BRIP1: variants seen among roughly 807,000 people sequenced by gnomAD.
The protein encoded by BRIP1 is Fanconi anemia group J protein.
In BRIP1, 88 loss-of-function variants were observed where a neutral mutation model predicts 119.7. The observed-to-expected ratio is 0.74, with a 90% confidence interval of 0.62 to 0.88. The LOEUF is 0.88. BRIP1 is among the 40% of genes least tolerant of loss of function. The pLI, the probability that BRIP1 is intolerant of heterozygous loss-of-function variation, is 0.00. For synonymous variants in BRIP1, 443 were observed against 496.5 expected (o/e 0.89, Z 1.43); for missense variants, 1,259 against 1,455.4 (o/e 0.87, Z 2.20).
At position 61,757,224 on chromosome 17, in the gene BRIP1, T is replaced by A. The variant is rs2077212383; in HGVS notation, c.2098-12633A>T. Among the ~76,000 whole-genome samples, 1 of 152,166 alleles carries A rather than the reference T, an allele frequency of 6.6e-6. No homozygotes were observed. Among genetic ancestry groups the A allele is most frequent in the Non-Finnish European group, 1.5e-5 (1 of 68,028 alleles). The stretch of plus-strand genomic sequence containing the variant: ...ATGAATGTCCTTAATTTTTGCTAAA[T>A]ACAAACTGAAAATATAAGAAAACCA... On this transcript the variant is annotated intron_variant, in intron 14 of 19. Coordinates refer to ENST00000259008, the MANE Select transcript of BRIP1 (RefSeq NM_032043.3). This position sits in a 1 kb window ranked among gnomAD's most constrained non-coding sequence, Gnocchi z 4.3.
At position 61,748,831 on chromosome 17, in the gene BRIP1, C is replaced by T. The variant is rs2077093139; in HGVS notation, c.2098-4240G>A. Among the ~76,000 whole-genome samples the T allele has an allele frequency of 6.6e-6, 1 of 152,138 alleles. No individual in the cohort carries two copies. The highest frequency in any genetic ancestry group is 6.5e-5 in the Admixed American group (1 of 15,272). On this transcript the variant is annotated intron_variant, in intron 14 of 19. Transcript: ENST00000259008. The surrounding 1 kb of genome is among the most constrained non-coding windows in gnomAD (Gnocchi z 4.7). ...AAAAGTTCACTCAAAATGGATTAGACTTAAATGTAAGATTTCAAACTGTTG... is the reference window on the plus strand; with the variant it reads ...AAAAGTTCACTCAAAATGGATTAGATTTAAATGTAAGATTTCAAACTGTTG...
chr17:61,718,297 A>G (rs1475146355), intron 16 of BRIP1, among the ~76,000 whole-genome samples: 1 of 152,192 alleles, frequency 6.6e-6, no homozygotes, highest in Admixed American at 6.5e-5. Context: ...TTTGTTAGGG[A>G]AAGTCAAGAG....
chr17:61,704,638 A>G lies in BRIP1; in HGVS notation c.2493-11126T>C, dbSNP rs778364615. ...TAGAAGGCTTTTAACTATGAATTCT[A>G]TTTATTTGCTAGATAGCTATTCATG... On this transcript the variant is annotated intron_variant, in intron 17 of 19. Coordinates refer to ENST00000259008, the MANE Select transcript of BRIP1 (RefSeq NM_032043.3). The surrounding 1 kb of genome is among the most constrained non-coding windows in gnomAD (Gnocchi z 5.7). Among the ~76,000 whole-genome samples, 4 of 152,114 alleles carry G rather than the reference A, an allele frequency of 2.6e-5. No homozygotes were observed. The highest frequency in any genetic ancestry group is 5.9e-5 in the Non-Finnish European group (4 of 68,000).
intron 17 of BRIP1, among the ~76,000 whole-genome samples, chr17:61,707,727 T>G (rs954523754): frequency 6.6e-6 from 1 of 152,180 alleles, no homozygotes; most frequent in South Asian, 2.1e-4. Context: ...TCTATGGATA[T>G]TAAGATTTTT....
In BRIP1 at chr17:61,734,707, A is replaced by AT. The variant is rs1167509380; in HGVS notation, c.2379+8305dup. On this transcript the variant is annotated intron_variant, in intron 16 of 19. Transcript: ENST00000259008. The surrounding 1 kb of genome is among the most constrained non-coding windows in gnomAD (Gnocchi z 5.2). ...AGTCATATTTTTGGCTCTAACATAC[A>AT]TTTTCCTTCTTCTCAAAAAGCCAAA... Among the ~76,000 whole-genome samples, 1 of 152,166 alleles carries AT rather than the reference A, an allele frequency of 6.6e-6. No homozygotes were observed. Among genetic ancestry groups the AT allele is most frequent in the Non-Finnish European group, 1.5e-5 (1 of 68,026 alleles).
chr17:61,742,212 T>C lies in BRIP1; in HGVS notation c.2379+801A>G, dbSNP rs1336328730. Among the ~76,000 whole-genome samples, 1 of 152,222 alleles carries C rather than the reference T, an allele frequency of 6.6e-6. No individual in the cohort carries two copies. Among genetic ancestry groups the C allele is most frequent in the Non-Finnish European group, 1.5e-5 (1 of 68,032 alleles). On this transcript the variant is annotated intron_variant, in intron 16 of 19. Coordinates refer to ENST00000259008, the MANE Select transcript of BRIP1 (RefSeq NM_032043.3). This position sits in a 1 kb window ranked among gnomAD's most constrained non-coding sequence, Gnocchi z 4.7. ...CTCACCTCTCTCAGCTTTCACAGAA[T>C]TGAAGAGAGTTAGGGCCTTGCTCTG...
Position 61,706,624 on chromosome 17 carries a change from T to C in BRIP1, c.2492+9327A>G, listed in dbSNP as rs1463146347. On this transcript the variant is annotated intron_variant, in intron 17 of 19. Coordinates refer to ENST00000259008, the MANE Select transcript of BRIP1 (RefSeq NM_032043.3). The surrounding 1 kb of genome is among the most constrained non-coding windows in gnomAD (Gnocchi z 5.7). The stretch of plus-strand genomic sequence containing the variant: ...CTACTACTTCTTGGTTTTTGAACTT[T>C]AGAACTTACGTACTGATTCTCTCCT... Among the ~76,000 whole-genome samples, 1 of 152,186 alleles carries C rather than the reference T, an allele frequency of 6.6e-6. No homozygotes were observed. Among genetic ancestry groups the C allele is most frequent in the Admixed American group, 6.5e-5 (1 of 15,276 alleles).
chr17:61,785,157 T>C (rs1302640971), intron 10 of BRIP1, among the ~76,000 whole-genome samples: 1 of 152,202 alleles, frequency 6.6e-6, no homozygotes, highest in Non-Finnish European at 1.5e-5. Flanking sequence ...GTTGATATGT[T>C]GCCTTAAATC....
Position 61,842,328 on chromosome 17 carries a change from CTA to C in BRIP1, c.627+4771_627+4772del, listed in dbSNP as rs1439341453. On this transcript the variant is annotated intron_variant, in intron 6 of 19. Coordinates refer to ENST00000259008, the MANE Select transcript of BRIP1 (RefSeq NM_032043.3). The surrounding 1 kb of genome is among the most constrained non-coding windows in gnomAD (Gnocchi z 5.1). ...GAGAGGTGGGTTTACAAATTCATAA[CTA>C]CAGCTAGATTGGAGAAACAGGAGGA... Among the ~76,000 whole-genome samples the C allele has an allele frequency of 6.6e-6, 1 of 152,086 alleles. No individual in the cohort carries two copies. The highest frequency in any genetic ancestry group is 1.5e-5 in the Non-Finnish European group (1 of 68,006).
Position 61,775,585 on chromosome 17 carries a change from G to A in BRIP1, c.2097+816C>T, listed in dbSNP as rs577726241. The stretch of plus-strand genomic sequence containing the variant: ...GTGGTTTCAATGCTTTGAATGTTAG[G>A]AGGACCAAAATATACTAAATAATTT... On this transcript the variant is annotated intron_variant, in intron 14 of 19. Transcript: ENST00000259008. The surrounding 1 kb of genome is among the most constrained non-coding windows in gnomAD (Gnocchi z 4.4). 6.6e-6 allele frequency among the ~76,000 whole-genome samples: 1 copy of A among 152,026 alleles called. No individual in the cohort carries two copies. Among genetic ancestry groups the A allele is most frequent in the Non-Finnish European group, 1.5e-5 (1 of 68,024 alleles).
Position 61,849,198 on chromosome 17 carries a change from T to C in BRIP1, c.438A>G (p.Ile146Met), listed in dbSNP as rs886038702. Residue 146 changes from isoleucine to methionine, a missense_variant, in exon 5 of 20, where the codon ATA (isoleucine) becomes ATG (methionine). Ile to Met is a conservative substitution (Grantham distance 10). This residue lies in a region of BRIP1 where 501 missense variants were observed against 544.0 expected (regional missense o/e 0.92). Transcript: ENST00000259008. ...AKLSAKKQAS[I>M]YRDENDDFQV... ...GAAAATCATCATTTTCATCTCTGTA[T>C]ATGGATGCCTGTTTCTTAGCAGATA... is the stretch of plus-strand genomic sequence containing the variant. 1 of 1,613,000 alleles carries C rather than the reference T, an allele frequency of 6.2e-7. No individual in the cohort carries two copies. Among genetic ancestry groups the C allele is most frequent in the African/African-American group, 1.3e-5 (1 of 75,012 alleles).
rs1349859444 is a variant in BRIP1, at chr17:61,825,408, C to G, written c.628-16651G>C. Among the ~76,000 whole-genome samples, 1 of 151,886 alleles carries G rather than the reference C, an allele frequency of 6.6e-6. No individual in the cohort carries two copies. The highest frequency in any genetic ancestry group is 1.5e-5 in the Non-Finnish European group (1 of 67,976). On this transcript the variant is annotated intron_variant, in intron 6 of 19. Coordinates refer to ENST00000259008, the MANE Select transcript of BRIP1 (RefSeq NM_032043.3). The surrounding 1 kb of genome is among the most constrained non-coding windows in gnomAD (Gnocchi z 4.1). ...ACAAGAGAAAGAAATAAAGGGCATC[C>G]AAATAGGAAGAGAGGAAGTCAAACT...
chr17:61,693,399 GTTTTT>G lies in BRIP1; in HGVS notation c.2575+26_2575+30del. On this transcript the variant is annotated intron_variant, in intron 18 of 19. Coordinates refer to ENST00000259008, the MANE Select transcript of BRIP1 (RefSeq NM_032043.3). The surrounding 1 kb of genome is among the most constrained non-coding windows in gnomAD (Gnocchi z 4.2). ...AATAAAAATATGAAGATTGTTACTA[GTTTTT>G]ACTCTAAGCCCAGCTGAGATCTTAC... is the stretch of plus-strand genomic sequence containing the variant. 1 of 1,569,834 alleles carries G rather than the reference GTTTTT, an allele frequency of 6.4e-7. No homozygotes were observed. The highest frequency in any genetic ancestry group is 8.8e-7 in the Non-Finnish European group (1 of 1,139,886).
In BRIP1 at chr17:61,683,358, C is replaced by G. The variant is rs2144067494; in HGVS notation, c.3688G>C (p.Glu1230Gln). 6.2e-7 allele frequency: 1 copy of G among 1,611,730 alleles called. No individual in the cohort carries two copies. Among genetic ancestry groups the G allele is most frequent in the Non-Finnish European group, 8.5e-7 (1 of 1,178,650 alleles). ...ELELGKTHEI[E>Q]IKNFKPSPSK... is the part of the protein sequence containing the mutation. The stretch of plus-strand genomic sequence containing the variant: ...GGAGATGGTTTAAAGTTCTTTATTT[C>G]TATTTCATGAGTTTTTCCCAGTTCC... Residue 1230 changes from glutamate (E) to glutamine (Q), a missense_variant, in exon 20 of 20, where the codon GAA (glutamate) becomes CAA (glutamine). Glu to Gln is a conservative substitution (Grantham distance 29). This residue lies in a region of BRIP1 where 753 missense variants were observed against 891.8 expected (regional missense o/e 0.84). Transcript: ENST00000259008. This position sits in a 1 kb window ranked among gnomAD's most constrained non-coding sequence, Gnocchi z 4.7.
Position 61,699,887 on chromosome 17 carries a change from GTTCCTCTGATT to G in BRIP1, c.2493-6386_2493-6376del, listed in dbSNP as rs1603284868. 6.6e-6 allele frequency among the ~76,000 whole-genome samples: 1 copy of G among 152,190 alleles called. No homozygotes were observed. Among genetic ancestry groups the G allele is most frequent in the Non-Finnish European group, 1.5e-5 (1 of 68,022 alleles). On this transcript the variant is annotated intron_variant, in intron 17 of 19. Transcript: ENST00000259008. This position sits in a 1 kb window ranked among gnomAD's most constrained non-coding sequence, Gnocchi z 4.8. ...CAGTAAAATCCCTGGGTGCTAATGA[GTTCCTCTGATT>G]GGAAATATTTGACACATGTTGCCAC...
Position 61,860,033 on chromosome 17 carries a change from G to A in BRIP1, c.94-126C>T. 1 of 689,496 alleles carries A rather than the reference G, an allele frequency of 1.5e-6. No individual in the cohort carries two copies. The highest frequency in any genetic ancestry group is 2.6e-6 in the Non-Finnish European group (1 of 382,986). 42.7% of individuals were successfully genotyped at this position (689,496 alleles called of 1,614,324 possible). A position where few individuals can be genotyped will look rare whatever the true frequency, so the allele number is the denominator to read the frequency against. On this transcript the variant is annotated intron_variant, in intron 2 of 19. Coordinates refer to ENST00000259008, the MANE Select transcript of BRIP1 (RefSeq NM_032043.3). This position sits in a 1 kb window ranked among gnomAD's most constrained non-coding sequence, Gnocchi z 4.1. ...CACTCCAGGGAACACAACAATAGCA[G>A]AAGGAACTCATATTTAGTTAAATCC...
chr17:61,756,297 A>C lies in BRIP1; in HGVS notation c.2098-11706T>G, dbSNP rs1300279677. 6.6e-6 allele frequency among the ~76,000 whole-genome samples: 1 copy of C among 152,242 alleles called. No individual in the cohort carries two copies. The highest frequency in any genetic ancestry group is 1.5e-5 in the Non-Finnish European group (1 of 68,044). On this transcript the variant is annotated intron_variant, in intron 14 of 19. Coordinates refer to ENST00000259008, the MANE Select transcript of BRIP1 (RefSeq NM_032043.3). This position sits in a 1 kb window ranked among gnomAD's most constrained non-coding sequence, Gnocchi z 4.3. ...TTGTTAAATTCTCTTAGGTATCCTA[A>C]CTAGGCACCTAAAAACTAACTTAAA...
chr17:61,821,217 T>C (rs1265459446), intron 6 of BRIP1, among the ~76,000 whole-genome samples: 1 of 152,140 alleles, frequency 6.6e-6, no homozygotes, highest in Non-Finnish European at 1.5e-5. Flanking sequence ...ACCAGTCTGA[T>C]TGGTTGTGAG....
intron 8 of BRIP1, among the ~76,000 whole-genome samples, chr17:61,800,116 A>G (rs1603342675): frequency 6.6e-6 from 1 of 152,306 alleles, no homozygotes; most frequent in African/African-American, 2.4e-5. Context: ...TTGTTCCATA[A>G]GCAAGAGTGA....
Sources: gnomAD v4.1 joint callset for allele counts (sites outside exome capture counted in the v4.1 genomes callset) on GRCh38, gnomAD v4.1.1 for gene constraint, gnomAD v4.1.1 regional missense constraint, Gnocchi (gnomAD v3.1) non-coding constraint, MANE v1.5 for transcripts, NCBI Gene and HGNC (gene_info 2026-07-23, HGNC 2026-07-21) for gene names.